Variants in ACSF3 observed in about 807,000 individuals in gnomAD.
ACSF3 encodes the protein acyl-CoA synthetase family member 3, also known as malonate--CoA ligase ACSF3, mitochondrial.
A neutral mutation model predicts 53.2 loss-of-function variants in ACSF3; 78 were observed. The ratio of observed to expected loss-of-function variants is 1.47; its 90% confidence interval spans 1.22 to 1.77. The LOEUF is 1.77. Among genes scored for constraint, ACSF3 ranks in the 40% most tolerant of loss-of-function variants. ACSF3 has a pLI of 0.00. For synonymous variants in ACSF3, 414 were observed against 333.1 expected (o/e 1.24, Z -2.65); for missense variants, 937 against 771.1 (o/e 1.22, Z -2.55).
At chr16:89,144,052 G>A (rs1417382989) in intron 8 of ACSF3, among the ~76,000 whole-genome samples, 1 of 152,248 alleles carries the variant, frequency 6.6e-6, no homozygotes, top group Admixed American at 6.5e-5. Context: ...ACACATGTGT[G>A]CGTGCACATG....
At chr16:89,142,668 C>T (rs1198556139) in intron 8 of ACSF3, among the ~76,000 whole-genome samples, 1 of 150,280 alleles carries the variant, frequency 6.7e-6, no homozygotes, top group Non-Finnish European at 1.5e-5. Flanking sequence ...GACAGAGCCA[C>T]ACCTGCAGAG....
intron 8 of ACSF3, among the ~76,000 whole-genome samples, chr16:89,139,518 C>G (rs975932012): frequency 6.6e-6 from 1 of 151,340 alleles, no homozygotes; most frequent in Non-Finnish European, 1.5e-5. Context: ...CTATCATTTT[C>G]TGGCCTTCAG....
intron 5 of ACSF3, chr16:89,113,949 G>A (rs1037882349): frequency 1.3e-4 from 44 of 347,326 alleles, no homozygotes; most frequent in Non-Finnish European, 1.5e-4. Context: ...CTGCAGCGCC[G>A]TGGCTGTTCA....
intron 1 of ACSF3, chr16:89,095,398 T>A (rs1041450212): frequency 6.6e-6 from 1 of 152,274 alleles, no homozygotes; most frequent in Non-Finnish European, 1.5e-5. Flanking sequence ...TTTGGTTTTT[T>A]TTATTTGAAT....
intron 4 of ACSF3, among the ~76,000 whole-genome samples, chr16:89,103,109 T>G (rs1012848711): frequency 2.0e-5 from 3 of 152,344 alleles, no homozygotes; most frequent in Non-Finnish European, 2.9e-5. Context: ...GTGAAAGTGC[T>G]CTCTCTCTTC....
At chr16:89,129,796 C>T (rs6500536) in intron 7 of ACSF3, among the ~76,000 whole-genome samples, 108,677 of 151,452 alleles carry the variant, frequency 0.72, 39,896 homozygotes, top group Non-Finnish European at 0.8. Flanking sequence ...GTAGTAGTTC[C>T]AGAAACTACA....
rs533326279 is a variant in ACSF3, at chr16:89,114,761, A to C, written c.1126+274A>C. The C allele has an allele frequency of 5.0e-4, 260 of 515,632 alleles. 2 individuals are homozygous for C. The highest frequency in any genetic ancestry group is 4.4e-3 in the African/African-American group (228 of 52,402). The allele number at this position is 515,632 out of a possible 1,614,324, so 31.9% of individuals were successfully genotyped here. ...CTGGGGAGACAATGGGAAGAACAGC[A>C]ATGCCTGGAATGCAGGCGTCAGTGC... On this transcript the variant is annotated intron_variant, in intron 6 of 10. Coordinates refer to ENST00000614302, the MANE Select transcript of ACSF3 (RefSeq NM_001243279.3).
chr16:89,099,480 C>G (rs1377003746), intron 2 of ACSF3, among the ~76,000 whole-genome samples: 1 of 152,154 alleles, frequency 6.6e-6, no homozygotes, highest in African/African-American at 2.4e-5. Flanking sequence ...TGTGAATTGC[C>G]TGATTTAAAG....
At position 89,124,863 on chromosome 16, in the gene ACSF3, T is replaced by C. The variant is rs910080587; in HGVS notation, c.1239+3950T>C. On this transcript the variant is annotated intron_variant, in intron 7 of 10. Transcript: ENST00000614302. Reference sequence around the variant, plus strand: ...CATTGCCACTTTGCCAAAGATTAATTGGACATATTTGAGAGGGTCTACATA... The same window carrying C: ...CATTGCCACTTTGCCAAAGATTAATCGGACATATTTGAGAGGGTCTACATA... Among the ~76,000 whole-genome samples the C allele has an allele frequency of 3.3e-5, 5 of 152,254 alleles. No homozygotes were observed. The East Asian group carries it at 7.7e-4, about 23-fold the overall frequency.
intron 5 of ACSF3, 67 bp from the exon 6 acceptor site, chr16:89,114,272 C>T (rs1904636298): frequency 1.1e-5 from 18 of 1,606,130 alleles, no homozygotes; most frequent in Non-Finnish European, 1.5e-5. Flanking sequence ...AGGGGCTAAA[C>T]CTGCCACCTT....
At chr16:89,098,242 C>T (rs954725072) in intron 1 of ACSF3, among the ~76,000 whole-genome samples, 3 of 152,186 alleles carry the variant, frequency 2.0e-5, no homozygotes, top group South Asian at 2.1e-4. Context: ...AGTGTTGTGA[C>T]GGTTTCAAAC....
At chr16:89,103,787 C>T (rs748228532) in intron 4 of ACSF3, among the ~76,000 whole-genome samples, 8 of 152,218 alleles carry the variant, frequency 5.3e-5, no homozygotes, top group Non-Finnish European at 1.0e-4. Flanking sequence ...CTCTGCATGG[C>T]TTCCTCTGTA....
At chr16:89,094,923 G>A (rs1974435711) in intron 1 of ACSF3, among the ~76,000 whole-genome samples, 1 of 152,206 alleles carries the variant, frequency 6.6e-6, no homozygotes, top group Admixed American at 6.5e-5. Context: ...AAAAGAAGAG[G>A]TGATATTTGA....
chr16:89,119,860 C>T (rs1309622543), intron 6 of ACSF3, among the ~76,000 whole-genome samples: 1 of 152,222 alleles, frequency 6.6e-6, no homozygotes, highest in African/African-American at 2.4e-5. Context: ...GCAGAGTTCA[C>T]TGCACTGACC....
chr16:89,120,115 C>A (rs1171542075), intron 6 of ACSF3, among the ~76,000 whole-genome samples: 2 of 152,252 alleles, frequency 1.3e-5, no homozygotes, highest in African/African-American at 4.8e-5. Flanking sequence ...GCTGCGGCAG[C>A]CCTGCGTGTG....
chr16:89,115,904 T>G (rs1175513511), intron 6 of ACSF3, among the ~76,000 whole-genome samples: 1 of 152,252 alleles, frequency 6.6e-6, no homozygotes, highest in Non-Finnish European at 1.5e-5. Flanking sequence ...GTGTCAGCTG[T>G]GCGATTTTAA....
chr16:89,096,154 G>A (rs1177892912), intron 1 of ACSF3, among the ~76,000 whole-genome samples: 1 of 152,180 alleles, frequency 6.6e-6, no homozygotes, highest in Non-Finnish European at 1.5e-5. Flanking sequence ...CTCAGCTTCT[G>A]ACTAGAGTCC....
chr16:89,121,337 C>T (rs1016918352), intron 7 of ACSF3, among the ~76,000 whole-genome samples: 3 of 152,310 alleles, frequency 2.0e-5, no homozygotes, highest in South Asian at 2.1e-4. Flanking sequence ...CCTGAGGGGA[C>T]GCTGACCACA....
At chr16:89,119,118 G>A (rs1404611476) in intron 6 of ACSF3, among the ~76,000 whole-genome samples, 1 of 152,144 alleles carries the variant, frequency 6.6e-6, no homozygotes, top group Non-Finnish European at 1.5e-5. Flanking sequence ...GGCACCTGGA[G>A]TGTGGGGGCC....
Sources: allele counts gnomAD v4.1 joint callset (sites outside exome capture counted in the v4.1 genomes callset), GRCh38; gene constraint gnomAD v4.1.1; transcripts MANE v1.5; gene names NCBI Gene and HGNC (gene_info 2026-07-23, HGNC 2026-07-21).